The following MAGI2 variants were observed in gnomAD, a reference collection of about 807,000 sequenced individuals.
MAGI2 encodes membrane associated guanylate kinase, WW and PDZ domain containing 2, also known as membrane-associated guanylate kinase, WW and PDZ domain-containing protein 2.
A neutral mutation model predicts 133.3 loss-of-function variants in MAGI2; 35 were observed. The ratio of observed to expected loss-of-function variants is 0.26; its 90% CI spans 0.20 to 0.35. The LOEUF (loss-of-function observed/expected upper bound fraction) is 0.35, where lower values mean the gene tolerates loss of function less well. Ranked by LOEUF, MAGI2 falls within the 10% of genes least tolerant of loss-of-function variation. The pLI is 1.00. For missense variants in MAGI2, 1,636 were observed against 1,863.4 expected (o/e 0.88, Z 2.25); for synonymous variants, 729 against 710.6 (o/e 1.03, Z -0.41).
chr7:78,329,379 T>C (rs1788936148), intron 9 of MAGI2, among the ~76,000 whole-genome samples: 1 of 152,204 alleles, frequency 6.6e-6, no homozygotes. Flanking sequence ...AATTCATAAT[T>C]ATGAGCTAAG....
At chr7:78,155,689 CT>C (rs1338566535) in intron 16 of MAGI2, among the ~76,000 whole-genome samples, 5 of 152,108 alleles carry the variant, frequency 3.3e-5, no homozygotes, top group Non-Finnish European at 7.4e-5. Context: ...AGATAGAAAG[CT>C]TCTAAGCTTC....
intron 1 of MAGI2, among the ~76,000 whole-genome samples, chr7:79,376,617 A>T (rs1413579214): frequency 6.6e-6 from 1 of 151,874 alleles, no homozygotes; most frequent in African/African-American, 2.4e-5. Context: ...GATGCCTGGG[A>T]CAAAGGGATG....
chr7:78,156,207 GC>G (rs1449651581), intron 16 of MAGI2, among the ~76,000 whole-genome samples: 2 of 152,178 alleles, frequency 1.3e-5, no homozygotes, highest in African/African-American at 4.8e-5. Flanking sequence ...GACTGACTTG[GC>G]CACCAGTACT....
At chr7:78,291,752 T>G (rs1796733743) in intron 9 of MAGI2, among the ~76,000 whole-genome samples, 1 of 152,208 alleles carries the variant, frequency 6.6e-6, no homozygotes, top group African/African-American at 2.4e-5. Flanking sequence ...GTGGGCTTCA[T>G]CCCTGGGATG....
At chr7:78,098,009 T>G (rs959628228) in intron 20 of MAGI2, among the ~76,000 whole-genome samples, 1 of 152,168 alleles carries the variant, frequency 6.6e-6, no homozygotes, top group East Asian at 1.9e-4. Flanking sequence ...ATTAAAATTA[T>G]GTAATATTCA....
chr7:78,693,534 C>T lies in MAGI2; in HGVS notation c.419-66295G>A, dbSNP rs146679982. On this transcript the variant is annotated intron_variant, in intron 2 of 21. Transcript: ENST00000354212. ...GCATCACAAAAGAGAAATTTTTCTT[C>T]CTGTCTACAGATATTTTCAACTCCT... 3.6e-3 allele frequency among the ~76,000 whole-genome samples: 548 copies of T among 152,258 alleles called. 20 individuals carry two copies. Among genetic ancestry groups the T allele is most frequent in the Admixed American group, 0.032 (484 of 15,294 alleles).
intron 1 of MAGI2, among the ~76,000 whole-genome samples, chr7:79,451,971 A>G (rs1342704818): frequency 6.6e-6 from 1 of 152,140 alleles, no homozygotes. Flanking sequence ...TCTGCACCAT[A>G]ATTTTCTTTC....
chr7:78,040,396 C>A (rs1810693127), intron 21 of MAGI2, among the ~76,000 whole-genome samples: 1 of 152,198 alleles, frequency 6.6e-6, no homozygotes, highest in Admixed American at 6.5e-5. Flanking sequence ...CTGGTCGTGC[C>A]GCAGCCTCAC....
intron 1 of MAGI2, among the ~76,000 whole-genome samples, chr7:79,093,493 A>C (rs1038548370): frequency 6.6e-6 from 1 of 152,154 alleles, no homozygotes; most frequent in African/African-American, 2.4e-5. Context: ...TTAAGTGTGC[A>C]ATAGCATCAT....
chr7:79,091,778 A>G (rs1015727485), intron 1 of MAGI2, among the ~76,000 whole-genome samples: 1 of 152,044 alleles, frequency 6.6e-6, no homozygotes, highest in East Asian at 1.9e-4. Context: ...GGACATGGCT[A>G]TGTTCCAATA....
rs1800746365 is a variant in MAGI2 at position 78,938,827 on chromosome 7, G to A, written c.418+68263C>T. 2.0e-5 allele frequency among the ~76,000 whole-genome samples: 3 copies of A among 152,108 alleles called. 1 individual carries two copies. The highest frequency in any genetic ancestry group is 7.2e-5 in the African/African-American group (3 of 41,426). On this transcript the variant is annotated intron_variant, in intron 2 of 21. Transcript: ENST00000354212. ...ATAGGACATTGTCTTTGCCTTTATT[G>A]AGTTTACACTTCAGTGTGTGGAAGG...
intron 6 of MAGI2, among the ~76,000 whole-genome samples, chr7:78,381,953 CAGTTTTATCTTCAACAATACTTTT>C (rs1023769409): frequency 2.0e-5 from 3 of 152,316 alleles, no homozygotes; most frequent in African/African-American, 7.2e-5. Context: ...AATTTCTCTA[CAGTTTTATCTTCAACAATACTTTT>C]TAAGCAAACA....
At chr7:78,548,049 T>A (rs1325231925) in intron 3 of MAGI2, among the ~76,000 whole-genome samples, 1 of 152,182 alleles carries the variant, frequency 6.6e-6, no homozygotes, top group African/African-American at 2.4e-5. Context: ...TGGTAACCTA[T>A]CAACTTCCTA....
chr7:78,629,964 A>T (rs965002195), intron 2 of MAGI2, among the ~76,000 whole-genome samples: 1 of 151,870 alleles, frequency 6.6e-6, no homozygotes, highest in African/African-American at 2.4e-5. Flanking sequence ...TTATATTTTA[A>T]ATCAAATAAT....
At chr7:78,218,777 G>A (rs2150831000) in intron 10 of MAGI2, among the ~76,000 whole-genome samples, 1 of 152,244 alleles carries the variant, frequency 6.6e-6, no homozygotes, top group African/African-American at 2.4e-5. Flanking sequence ...TAGTAGCGTG[G>A]GGCTCATTCT....
chr7:79,023,906 C>T (rs1294627502), intron 1 of MAGI2, among the ~76,000 whole-genome samples: 3 of 152,084 alleles, frequency 2.0e-5, no homozygotes, highest in Non-Finnish European at 2.9e-5. Flanking sequence ...AATGGCCATA[C>T]TGCCCAAAGC....
rs1208473898 is a variant in MAGI2, at chr7:79,235,396, G to A, written c.301+217624C>T. ...TGGCGGGCGCCCCTCCCCCAGCCTC[G>A]CTGCCGCCTTGCAGTTTGATCTCAG... On this transcript the variant is annotated intron_variant, in intron 1 of 21. Coordinates refer to ENST00000354212, the MANE Select transcript of MAGI2 (RefSeq NM_012301.4). Among the ~76,000 whole-genome samples the A allele has an allele frequency of 9.6e-3, 1,460 of 152,030 alleles. 28 individuals are homozygous for A. The highest frequency in any genetic ancestry group is 0.031 in the African/African-American group (1,296 of 41,444).
intron 1 of MAGI2, among the ~76,000 whole-genome samples, chr7:79,307,765 A>G (rs1837941283): frequency 6.6e-6 from 1 of 152,232 alleles, no homozygotes; most frequent in African/African-American, 2.4e-5. Flanking sequence ...TTTGAAAGCC[A>G]AAGTCTCTTC....
intron 2 of MAGI2, among the ~76,000 whole-genome samples, chr7:78,918,942 A>T (rs1418279776): frequency 6.6e-6 from 1 of 152,196 alleles, no homozygotes; most frequent in Admixed American, 6.6e-5. Flanking sequence ...TTCGGCAAGA[A>T]AAATAGTGAA....
Sources: allele counts gnomAD v4.1 joint callset (sites outside exome capture counted in the v4.1 genomes callset), GRCh38; gene constraint gnomAD v4.1.1; transcripts MANE v1.5; gene names NCBI Gene and HGNC (gene_info 2026-07-23, HGNC 2026-07-21).